Variants in THRAP3 observed in about 807,000 individuals in gnomAD.
The protein encoded by THRAP3 is thyroid hormone receptor-associated protein 3.
A neutral mutation model predicts 101.0 loss-of-function variants in THRAP3; 16 were observed. The ratio of observed to expected loss-of-function variants is 0.16; its 90% CI spans 0.11 to 0.24. The LOEUF (loss-of-function observed/expected upper bound fraction) is 0.24. Ranked by LOEUF, THRAP3 falls within the 10% of genes least tolerant of loss-of-function variation. The pLI is 1.00. For missense variants in THRAP3, 989 were observed against 1,202.7 expected (o/e 0.82, Z 2.63); for synonymous variants, 407 against 422.6 (o/e 0.96, Z 0.45).
At chr1:36,226,130 AATATGG>A (rs1433008541) in intron 1 of THRAP3, among the ~76,000 whole-genome samples, 1 of 152,170 alleles carries the variant, frequency 6.6e-6, no homozygotes, top group Non-Finnish European at 1.5e-5. Flanking sequence ...TAGCCTGCAA[AATATGG>A]ATTACAAAAA....
At chr1:36,264,247 T>C (rs971379247) in intron 2 of THRAP3, among the ~76,000 whole-genome samples, 1 of 152,220 alleles carries the variant, frequency 6.6e-6, no homozygotes, top group African/African-American at 2.4e-5. Flanking sequence ...GGGAAGTTCC[T>C]AAATCTCTCC....
At chr1:36,253,062 C>G (rs1645328295) in intron 1 of THRAP3, among the ~76,000 whole-genome samples, 1 of 148,762 alleles carries the variant, frequency 6.7e-6, no homozygotes, top group South Asian at 2.1e-4. Context: ...ATTGGGTTTC[C>G]AAGTTAGCAG....
intron 5 of THRAP3, among the ~76,000 whole-genome samples, chr1:36,290,851 T>G (rs1427930481): frequency 6.6e-6 from 1 of 152,170 alleles, no homozygotes; most frequent in Non-Finnish European, 1.5e-5. Flanking sequence ...GCTGACTGGT[T>G]TTTTACTTGG....
intron 2 of THRAP3, among the ~76,000 whole-genome samples, chr1:36,260,183 A>T (rs1428890568): frequency 6.6e-6 from 1 of 152,166 alleles, no homozygotes; most frequent in Non-Finnish European, 1.5e-5. Flanking sequence ...TAGAGGTTAC[A>T]GTGAGCCGAG....
intron 1 of THRAP3, among the ~76,000 whole-genome samples, chr1:36,249,046 T>C (rs1178624237): frequency 6.6e-6 from 1 of 151,294 alleles, no homozygotes; most frequent in Non-Finnish European, 1.5e-5. Context: ...CACCACCACA[T>C]CTGGCTAGTT....
the THRAP3 span, among the ~76,000 whole-genome samples, chr1:36,210,443 C>T: frequency 6.7e-6 from 1 of 148,376 alleles, no homozygotes; most frequent in African/African-American, 2.5e-5. Context: ...AATCCTAGCA[C>T]TTTGGGAGGC....
chr1:36,209,624 C>T, the THRAP3 span, among the ~76,000 whole-genome samples: 871 of 152,272 alleles, frequency 5.7e-3, 9 homozygotes, highest in African/African-American at 0.02. Context: ...ATAAAACGTG[C>T]CAGCAAGTAG....
chr1:36,287,090 T>C lies in THRAP3; in HGVS notation c.860T>C (p.Leu287Pro). ...AGCACATCCCAGATGGGCTCAACTC[T>C]GCCGAGTGGTGCCGGGTATCAGTCT... Reference protein sequence around the residue: ...LSSTSQMGSTLPSGAGYQSGT... With the variant: ...LSSTSQMGSTPPSGAGYQSGT... The change falls in exon 4 of 12, where the codon CTG becomes CCG. Residue 287 changes from leucine (L) to proline (P), a missense_variant. Transcript: ENST00000354618. 1.2e-6 allele frequency: 2 copies of C among 1,614,090 alleles called. No individual in the cohort carries two copies. Among genetic ancestry groups the C allele is most frequent in the South Asian group, 2.2e-5 (2 of 91,072 alleles).
chr1:36,253,137 T>C (rs534732447), intron 1 of THRAP3, among the ~76,000 whole-genome samples: 125 of 118,262 alleles, frequency 1.1e-3, no homozygotes, highest in Non-Finnish European at 1.8e-3. Flanking sequence ...GTTTTATGTG[T>C]GTCATCTTTG....
At position 36,303,987 on chromosome 1, in the gene THRAP3, G is replaced by C. The variant is rs748416321; in HGVS notation, c.2838G>C (p.Glu946Asp). The change falls in exon 12 of 12, where the codon GAG becomes GAC. Residue 946 changes from glutamate to aspartate, a missense_variant. By Grantham distance (45) the Glu-to-Asp change is conservative (BLOSUM62 2). Transcript: ENST00000354618. ...DDESGTENRE[E>D]KDNIQPTTE ...AGAGTGGGACAGAGAACCGAGAAGAGAAGGACAATATACAGCCCACAACCG... is the reference window on the plus strand; with the variant it reads ...AGAGTGGGACAGAGAACCGAGAAGACAAGGACAATATACAGCCCACAACCG... The C allele has an allele frequency of 6.3e-7, 1 of 1,595,562 alleles. No homozygotes were observed. Among genetic ancestry groups the C allele is most frequent in the Admixed American group, 1.7e-5 (1 of 57,260 alleles).
chr1:36,303,173 A>G (rs555624124), intron 11 of THRAP3, among the ~76,000 whole-genome samples: 9 of 135,370 alleles, frequency 6.6e-5, no homozygotes, highest in Non-Finnish European at 1.1e-4. Flanking sequence ...CGTATAGCCC[A>G]GGCTGGTCTC....
intron 1 of THRAP3, among the ~76,000 whole-genome samples, chr1:36,258,700 C>G (rs1041998149): frequency 6.6e-6 from 1 of 151,916 alleles, no homozygotes; most frequent in Non-Finnish European, 1.5e-5. Context: ...AGGATGATCT[C>G]GATCTCCTGA....
chr1:36,303,055 C>T (rs1294017287), intron 11 of THRAP3, among the ~76,000 whole-genome samples: 1 of 151,894 alleles, frequency 6.6e-6, no homozygotes, highest in Admixed American at 6.6e-5. Flanking sequence ...AAGCAGTTCT[C>T]CTGCGTCAGC....
chr1:36,243,707 G>T (rs569492177), intron 1 of THRAP3, among the ~76,000 whole-genome samples: 106 of 152,262 alleles, frequency 7.0e-4, no homozygotes, highest in African/African-American at 2.5e-3. Flanking sequence ...TCAATGAGCC[G>T]CTGGGCACAC....
rs758832656 is a variant in THRAP3, at chr1:36,293,918, C to T, written c.2098C>T (p.Arg700Trp). 11 of 1,613,048 alleles carry T rather than the reference C, an allele frequency of 6.8e-6. No homozygotes were observed. The highest frequency in any genetic ancestry group is 3.3e-5 in the South Asian group (3 of 91,026). ...GLAHDEMKSP[R>W]EPGYKAEGKY... Reference sequence around the variant, plus strand: ...GGCTCATGATGAAATGAAAAGTCCCCGGGAACCTGGCTACAAGGTGAACTG... The same window carrying T: ...GGCTCATGATGAAATGAAAAGTCCCTGGGAACCTGGCTACAAGGTGAACTG... Residue 700 changes from arginine to tryptophan, a missense_variant, in exon 8 of 12, where the codon CGG becomes TGG. Transcript: ENST00000354618.
At chr1:36,212,418 C>CTTT in the THRAP3 span, among the ~76,000 whole-genome samples, 1,446 of 121,976 alleles carry the variant, frequency 0.012, 61 homozygotes, top group African/African-American at 0.043. Flanking sequence ...TTCTTTCTTT[C>CTTT]TTTTTTTTTT....
intron 9 of THRAP3, among the ~76,000 whole-genome samples, chr1:36,298,412 C>G (rs1645981439): frequency 6.6e-6 from 1 of 152,208 alleles, no homozygotes; most frequent in South Asian, 2.1e-4. Context: ...GATTTCCTCT[C>G]CCTGGAACAC....
At chr1:36,273,133 C>T (rs1470653608) in intron 2 of THRAP3, among the ~76,000 whole-genome samples, 1 of 152,186 alleles carries the variant, frequency 6.6e-6, no homozygotes, top group Non-Finnish European at 1.5e-5. Context: ...TTTGTAGCCT[C>T]CTGGGTTTGG....
intron 1 of THRAP3, among the ~76,000 whole-genome samples, chr1:36,228,458 T>C (rs1328673167): frequency 1.3e-5 from 2 of 152,204 alleles, no homozygotes; most frequent in African/African-American, 2.4e-5. Context: ...CTGACCTCAA[T>C]TGATCCGACC....
Sources: gnomAD v4.1 joint callset for allele counts (sites outside exome capture counted in the v4.1 genomes callset) on GRCh38, gnomAD v4.1.1 for gene constraint, MANE v1.5 for transcripts, NCBI Gene and HGNC (gene_info 2026-07-23, HGNC 2026-07-21) for gene names.